AQP9: variants seen among roughly 807,000 people sequenced by gnomAD.
The protein encoded by AQP9 is aquaporin-9.
A neutral mutation model predicts 23.8 loss-of-function variants in AQP9; 19 were observed. That is an observed-to-expected ratio of 0.80 (90% CI 0.56 to 1.17). The LOEUF (loss-of-function observed/expected upper bound fraction) is 1.17, where lower values mean the gene tolerates loss of function less well. AQP9 is among the 50% of genes most tolerant of loss of function. The probability of loss-of-function intolerance (pLI) is 0.00; values close to 1 mark genes in which losing one functional copy is unlikely to be tolerated. For missense variants in AQP9, 413 were observed against 362.0 expected (o/e 1.14, Z -1.14); for synonymous variants, 153 against 131.5 (o/e 1.16, Z -1.12).
At chr15:58,146,649 T>C (rs1898050267) in intron 1 of AQP9, 1 of 152,216 alleles carries the variant, frequency 6.6e-6, no homozygotes. Context: ...ATCTGTATTA[T>C]AAATTCTTCA....
At position 58,141,927 on chromosome 15, in the gene AQP9, G is replaced by A. The variant is rs1004892554; in HGVS notation, c.111+3251G>A. 9.9e-5 allele frequency among the ~76,000 whole-genome samples: 15 copies of A among 152,202 alleles called. 1 individual carries two copies. The highest frequency in any genetic ancestry group is 2.1e-4 in the South Asian group (1 of 4,834). Reference sequence around the variant, plus strand: ...GTTTATAAGCCAAATTAAAGGAAACGTCCACTTTGCAGGGCAGAATCCAGG... The same window carrying A: ...GTTTATAAGCCAAATTAAAGGAAACATCCACTTTGCAGGGCAGAATCCAGG... On this transcript the variant is annotated intron_variant, in intron 1 of 5. Transcript: ENST00000219919.
intron 1 of AQP9, chr15:58,154,980 G>A (rs1347469920): frequency 2.6e-5 from 4 of 152,032 alleles, no homozygotes; most frequent in Admixed American, 6.6e-5. Context: ...TATGCACAAC[G>A]CACCTGCTAA....
chr15:58,153,027 G>C (rs116886993), intron 1 of AQP9: 5 of 152,224 alleles, frequency 3.3e-5, no homozygotes, highest in Non-Finnish European at 7.4e-5. Context: ...CTTTTTATTG[G>C]ATGAGAAGGT....
intron 1 of AQP9, among the ~76,000 whole-genome samples, chr15:58,158,046 A>C (rs1471793166): frequency 6.6e-6 from 1 of 152,170 alleles, no homozygotes; most frequent in Non-Finnish European, 1.5e-5. Context: ...CTTCATCCTC[A>C]GCCCTTTCTC....
At chr15:58,166,874 C>T (rs2140618046) in intron 2 of AQP9, 75 bp downstream of exon 2, 1 of 1,493,260 alleles carries the variant, frequency 6.7e-7, no homozygotes, top group Non-Finnish European at 9.0e-7. Flanking sequence ...GGCTGCTTCA[C>T]ATACCTTAAT....
intron 2 of AQP9, among the ~76,000 whole-genome samples, chr15:58,172,084 C>T (rs1162153260): frequency 1.3e-5 from 2 of 152,168 alleles, no homozygotes; most frequent in African/African-American, 4.8e-5. Context: ...TTTATAAACA[C>T]GGTGAAGATG....
intron 1 of AQP9, among the ~76,000 whole-genome samples, chr15:58,147,850 A>AAATG (rs1409651701): frequency 5.9e-5 from 9 of 152,120 alleles, no homozygotes; most frequent in Non-Finnish European, 1.0e-4. Context: ...AAGCAGGCAG[A>AAATG]AATGGTATGT....
intron 1 of AQP9, among the ~76,000 whole-genome samples, chr15:58,162,419 A>C (rs1369584863): frequency 2.6e-5 from 4 of 152,200 alleles, no homozygotes; most frequent in African/African-American, 7.2e-5. Context: ...GAAGCCTCCA[A>C]CTTCATGTAA....
chr15:58,165,758 T>C (rs1159309402), intron 1 of AQP9, among the ~76,000 whole-genome samples: 1 of 152,194 alleles, frequency 6.6e-6, no homozygotes, highest in African/African-American at 2.4e-5. Context: ...ATGGATTTCA[T>C]TCTCCAAAAT....
chr15:58,138,756 G>T (rs12440784), intron 1 of AQP9, 80 bp downstream of exon 1: 49,285 of 1,269,136 alleles, frequency 0.039, 2,030 homozygotes, highest in Admixed American at 0.2. Flanking sequence ...AGTTTTGTTT[G>T]GTTTGTTTTA....
At chr15:58,171,362 C>T (rs1898617717) in intron 2 of AQP9, among the ~76,000 whole-genome samples, 1 of 152,148 alleles carries the variant, frequency 6.6e-6, no homozygotes, top group Non-Finnish European at 1.5e-5. Flanking sequence ...GCTGGGATTA[C>T]AGGCATGAGC....
At chr15:58,157,863 C>G (rs1172207379) in intron 1 of AQP9, among the ~76,000 whole-genome samples, 4 of 152,136 alleles carry the variant, frequency 2.6e-5, no homozygotes, top group African/African-American at 9.7e-5. Flanking sequence ...TCAGTCATCT[C>G]TGAGAAAGGA....
At chr15:58,164,749 G>A (rs1481797237) in intron 1 of AQP9, among the ~76,000 whole-genome samples, 2 of 152,052 alleles carry the variant, frequency 1.3e-5, no homozygotes, top group Admixed American at 6.6e-5. Context: ...CATCATCTAC[G>A]TAATTTCTCT....
chr15:58,171,561 C>T (rs1476824426), intron 2 of AQP9, among the ~76,000 whole-genome samples: 2 of 152,180 alleles, frequency 1.3e-5, no homozygotes, highest in African/African-American at 4.8e-5. Flanking sequence ...AGAACTGTGG[C>T]TTTCCTGGAT....
rs939599134 is a variant in AQP9 at position 58,166,745 on chromosome 15, G to A, written c.184G>A (p.Val62Ile). 1 of 1,614,014 alleles carries A rather than the reference G, an allele frequency of 6.2e-7. No individual in the cohort carries two copies. Among genetic ancestry groups the A allele is most frequent in the Non-Finnish European group, 8.5e-7 (1 of 1,179,892 alleles). ...TTTTGGAGGGGTCATCACTATCAAT[G>A]TTGGATTTTCAATGGCAGTTGCAAT... ...GRFGGVITIN[V>I]GFSMAVAMAI... The change falls in exon 2 of 6, where the codon GTT becomes ATT. Residue 62 changes from valine to isoleucine, a missense_variant. Physicochemically the swap from Val to Ile is conservative, Grantham distance 29 (BLOSUM62 3). Transcript: ENST00000219919.
In AQP9 at chr15:58,172,961, A is replaced by G. The variant is rs1898654815; in HGVS notation, c.239-107A>G. ...CACACCCCTCTTTCTCCTCATAGGC[A>G]GTAGTTCTCTGCCTAGAAGACTGAA... On this transcript the variant is annotated intron_variant, in intron 2 of 5. Transcript: ENST00000219919. 4 of 1,399,066 alleles carry G rather than the reference A, an allele frequency of 2.9e-6. No homozygotes were observed. In the Admixed American group the frequency reaches 5.5e-5, roughly 19 times the overall value. The allele number at this position is 1,399,066 out of a possible 1,614,324, so 86.7% of individuals were successfully genotyped here.
At position 58,183,987 on chromosome 15, in the gene AQP9, C is replaced by T. The variant is rs1314772498; in HGVS notation, c.740C>T (p.Pro247Leu). The T allele has an allele frequency of 1.2e-6, 2 of 1,613,898 alleles. No homozygotes were observed. The highest frequency in any genetic ancestry group is 1.7e-6 in the Non-Finnish European group (2 of 1,179,964). ...FRAGNNFWWI[P>L]VVGPLVGAVI... ...GCTGGAAACAACTTCTGGTGGATTC[C>T]TGTAGTGGGCCCTTTGGTTGGTGCT... Residue 247 changes from proline to leucine, a missense_variant, in exon 6 of 6, where the codon CCT (proline) becomes CTT (leucine). Pro to Leu is a moderately conservative substitution (Grantham distance 98, BLOSUM62 -3). Coordinates refer to ENST00000219919, the MANE Select transcript of AQP9 (RefSeq NM_020980.5).
chr15:58,180,799 C>T (rs1898869746), intron 5 of AQP9, among the ~76,000 whole-genome samples: 2 of 152,306 alleles, frequency 1.3e-5, no homozygotes, highest in South Asian at 4.2e-4. Context: ...ACACGGCACA[C>T]CTCCCACAAC....
chr15:58,152,637 C>G (rs1323602746), intron 1 of AQP9: 1 of 152,102 alleles, frequency 6.6e-6, no homozygotes, highest in Non-Finnish European at 1.5e-5. Flanking sequence ...TATAAAAACA[C>G]TAGTTCCCTT....
Sources: gnomAD v4.1 joint callset for allele counts (sites outside exome capture counted in the v4.1 genomes callset) on GRCh38, gnomAD v4.1.1 for gene constraint, MANE v1.5 for transcripts, NCBI Gene and HGNC (gene_info 2026-07-23, HGNC 2026-07-21) for gene names.